Variants in NFIA observed in about 807,000 individuals in gnomAD.
NFIA encodes the protein nuclear factor 1 A-type.
A neutral mutation model predicts 62.8 loss-of-function variants in NFIA; 8 were observed. The ratio of observed to expected loss-of-function variants is 0.13; its 90% CI spans 0.07 to 0.23. The LOEUF (loss-of-function observed/expected upper bound fraction) is 0.23. Among genes scored for constraint, NFIA ranks in the 10% least tolerant of loss-of-function variants. The probability of loss-of-function intolerance (pLI) is 1.00; values close to 1 mark genes in which losing one functional copy is unlikely to be tolerated. For synonymous variants in NFIA, 235 were observed against 238.1 expected, an observed-to-expected ratio of 0.99 and a Z score of 0.12; for missense variants, 410 against 642.1, an observed-to-expected ratio of 0.64 and a Z score of 3.91.
chr1:61,290,904 G>T (rs560886796), intron 3 of NFIA, among the ~76,000 whole-genome samples: 2 of 152,182 alleles, frequency 1.3e-5, no homozygotes, highest in East Asian at 3.9e-4. Flanking sequence ...TGAACTCATG[G>T]GTTCTCTTAT....
At chr1:61,236,770 T>C (rs956851158) in intron 2 of NFIA, among the ~76,000 whole-genome samples, 19 of 152,310 alleles carry the variant, frequency 1.2e-4, no homozygotes, top group African/African-American at 2.9e-4. Context: ...ACTTAGTCCA[T>C]AGGCAGATAT....
At chr1:61,161,853 T>C (rs532036763) in intron 2 of NFIA, among the ~76,000 whole-genome samples, 105 of 152,178 alleles carry the variant, frequency 6.9e-4, no homozygotes, top group African/African-American at 2.4e-3. Flanking sequence ...ATAATATCTT[T>C]AGGAAAAGAT....
intron 6 of NFIA, among the ~76,000 whole-genome samples, chr1:61,380,312 C>G (rs1292074777): frequency 6.6e-6 from 1 of 152,134 alleles, no homozygotes; most frequent in Non-Finnish European, 1.5e-5. Context: ...AGTAGGATTA[C>G]TTCATCCGTA....
intron 2 of NFIA, among the ~76,000 whole-genome samples, chr1:61,095,584 A>G (rs957359520): frequency 6.6e-6 from 1 of 152,200 alleles, no homozygotes; most frequent in Non-Finnish European, 1.5e-5. Flanking sequence ...CCATTGAGAT[A>G]TTTCACTGTC....
At chr1:61,412,084 T>A (rs1241414886) in intron 9 of NFIA, among the ~76,000 whole-genome samples, 1 of 151,990 alleles carries the variant, frequency 6.6e-6, no homozygotes, top group Non-Finnish European at 1.5e-5. Context: ...GAAAATAGAT[T>A]GTCAGGAGCA....
chr1:61,177,884 C>A (rs1650499517), intron 2 of NFIA, among the ~76,000 whole-genome samples: 1 of 152,180 alleles, frequency 6.6e-6, no homozygotes, highest in African/African-American at 2.4e-5. Flanking sequence ...GCCACTCTTG[C>A]AAATCAACCT....
intron 2 of NFIA, among the ~76,000 whole-genome samples, chr1:61,131,640 T>C (rs1369874067): frequency 6.6e-6 from 1 of 152,118 alleles, no homozygotes; most frequent in African/African-American, 2.4e-5. Flanking sequence ...AGTGTTTATG[T>C]TGCAAAAAGA....
rs537093250 is a variant in NFIA at position 61,311,343 on chromosome 1, A to C, written c.626-21169A>C. Among the ~76,000 whole-genome samples the C allele has an allele frequency of 6.0e-4, 92 of 152,276 alleles. 2 individuals are homozygous for C. The South Asian group carries it at 9.4e-3, about 15-fold the overall frequency. On this transcript the variant is annotated intron_variant, in intron 3 of 10. Transcript: ENST00000403491. ...GAGGTGGAGGTTGCGGTGAGCCGAG[A>C]TCGCGACATTGCACTCCAGCCTGGG...
rs188291268 is a variant in NFIA, at chr1:61,182,177, G to A, written c.559+93497G>A. ...GACGGTTCATACTGTGACTACATGA[G>A]CTAACCATCTTGACCTTTCTGTCCA... On this transcript the variant is annotated intron_variant, in intron 2 of 10. Coordinates refer to ENST00000403491, the MANE Select transcript of NFIA (RefSeq NM_001134673.4). Among the ~76,000 whole-genome samples, 92 of 152,228 alleles carry A rather than the reference G, an allele frequency of 6.0e-4. 2 individuals carry two copies. Among genetic ancestry groups the A allele is most frequent in the African/African-American group, 1.9e-3 (79 of 41,526 alleles).
chr1:61,416,583 C>G (rs1222312698), intron 9 of NFIA, among the ~76,000 whole-genome samples: 1 of 152,046 alleles, frequency 6.6e-6, no homozygotes, highest in Non-Finnish European at 1.5e-5. Flanking sequence ...TATCTTATAA[C>G]ATAATTGGTT....
chr1:61,089,695 C>CTTTTTTT (rs918196815), intron 2 of NFIA, among the ~76,000 whole-genome samples: 6,722 of 107,318 alleles, frequency 0.063, 181 homozygotes, highest in East Asian at 0.084. Flanking sequence ...GTTTTTTTTT[C>CTTTTTTT]TTTTTTTTTT....
At chr1:61,113,152 A>G (rs1335490140) in intron 2 of NFIA, among the ~76,000 whole-genome samples, 1 of 152,138 alleles carries the variant, frequency 6.6e-6, no homozygotes, top group Non-Finnish European at 1.5e-5. Context: ...AGGCTTATAA[A>G]TCACTGTCTT....
At chr1:61,110,522 G>A (rs1361895734) in intron 2 of NFIA, among the ~76,000 whole-genome samples, 2 of 151,938 alleles carry the variant, frequency 1.3e-5, no homozygotes, top group South Asian at 2.1e-4. Context: ...AAATTCAGTT[G>A]TCTTAATCTG....
intron 9 of NFIA, among the ~76,000 whole-genome samples, chr1:61,410,832 A>G (rs2100531814): frequency 6.6e-6 from 1 of 152,254 alleles, no homozygotes; most frequent in South Asian, 2.1e-4. Context: ...GCTTGAGCCT[A>G]GGAGCTTGAG....
chr1:61,167,106 A>C (rs529115603), intron 2 of NFIA, among the ~76,000 whole-genome samples: 3 of 152,288 alleles, frequency 2.0e-5, no homozygotes, highest in African/African-American at 7.2e-5. Context: ...ATGCCACTGC[A>C]CTCCAGCCTG....
At chr1:61,261,811 T>G (rs949028134) in intron 2 of NFIA, among the ~76,000 whole-genome samples, 2 of 152,196 alleles carry the variant, frequency 1.3e-5, no homozygotes, top group African/African-American at 4.8e-5. Context: ...TTTTCTAATG[T>G]AAGAAAATGT....
intron 7 of NFIA, among the ~76,000 whole-genome samples, chr1:61,392,388 T>C (rs1665024555): frequency 6.6e-6 from 1 of 152,172 alleles, no homozygotes; most frequent in African/African-American, 2.4e-5. Flanking sequence ...ATTAAAACTG[T>C]ACCTTTATTG....
intron 2 of NFIA, among the ~76,000 whole-genome samples, chr1:61,232,770 T>C (rs1205466740): frequency 6.6e-6 from 1 of 152,140 alleles, no homozygotes; most frequent in Non-Finnish European, 1.5e-5. Flanking sequence ...CACTTTCTAC[T>C]TTCTTCCCTT....
At chr1:61,398,599 T>C (rs1665401802) in intron 7 of NFIA, among the ~76,000 whole-genome samples, 1 of 152,222 alleles carries the variant, frequency 6.6e-6, no homozygotes, top group Admixed American at 6.5e-5. Flanking sequence ...CTGGGTCCTT[T>C]CACGTGCATC....
Sources: allele counts gnomAD v4.1 joint callset (sites outside exome capture counted in the v4.1 genomes callset), GRCh38; gene constraint gnomAD v4.1.1; transcripts MANE v1.5; gene names NCBI Gene and HGNC (gene_info 2026-07-23, HGNC 2026-07-21).